TYW1B: variants seen among roughly 807,000 people sequenced by gnomAD.
TYW1B encodes the protein S-adenosyl-L-methionine-dependent tRNA 4-demethylwyosine synthase TYW1B.
TYW1B carries 73 observed loss-of-function variants against 86.9 expected under a neutral mutation model. The ratio of observed to expected loss-of-function variants is 0.84; its 90% CI spans 0.70 to 1.02. The LOEUF (loss-of-function observed/expected upper bound fraction) is 1.02, where lower values mean the gene tolerates loss of function less well. Among genes scored for constraint, TYW1B ranks in the 50% least tolerant of loss-of-function variants. TYW1B has a pLI of 0.00. For missense variants in TYW1B, 637 were observed against 827.4 expected (o/e 0.77, Z 2.82); for synonymous variants, 248 against 292.8 (o/e 0.85, Z 1.56).
intron 13 of TYW1B, among the ~76,000 whole-genome samples, chr7:72,597,688 T>C (rs1429611868): frequency 6.6e-6 from 1 of 152,230 alleles, no homozygotes; most frequent in Non-Finnish European, 1.5e-5. Flanking sequence ...TGAAATTTTT[T>C]ATCATAGAGA....
intron 9 of TYW1B, among the ~76,000 whole-genome samples, chr7:72,714,694 G>C (rs1315678489): frequency 6.6e-6 from 1 of 152,170 alleles, no homozygotes; most frequent in Non-Finnish European, 1.5e-5. Flanking sequence ...AAGGTGGGCA[G>C]ATCACTTGAG....
rs532511221 is a variant in TYW1B at position 72,817,311 on chromosome 7, GGGA to G, written c.136-1833_136-1831del. Among the ~76,000 whole-genome samples the G allele has an allele frequency of 2.4e-3, 364 of 152,220 alleles. 3 individuals carry two copies. Among genetic ancestry groups the G allele is most frequent in the African/African-American group, 8.3e-3 (346 of 41,532 alleles). On this transcript the variant is annotated intron_variant, in intron 2 of 13. Transcript: ENST00000620995. ...CCCAGCTACCTACCTGGGAGGCTGA[GGGA>G]GGAGAACTGCTCGAACCCAGGAGGC...
chr7:72,575,475 C>T lies in TYW1B; in HGVS notation c.*23G>A. 1.3e-6 allele frequency: 2 copies of T among 1,591,998 alleles called. No homozygotes were observed. Among genetic ancestry groups the T allele is most frequent in the Middle Eastern group, 1.7e-4 (1 of 5,920 alleles). ...TGAGGCCATCCAAGTTTTTGTCCTTCAGTACCTTGAAATCAGATAATCTCA... is the reference window on the plus strand; with the variant it reads ...TGAGGCCATCCAAGTTTTTGTCCTTTAGTACCTTGAAATCAGATAATCTCA... On this transcript the variant is annotated 3_prime_UTR_variant, in exon 14 of 14. Transcript: ENST00000620995.
At chr7:72,596,361 T>C (rs1369515409) in intron 13 of TYW1B, among the ~76,000 whole-genome samples, 4 of 151,966 alleles carry the variant, frequency 2.6e-5, no homozygotes, top group Non-Finnish European at 5.9e-5. Flanking sequence ...AACACAAAAC[T>C]GGAGGACTCA....
chr7:72,783,995 T>G (rs1788089382), intron 6 of TYW1B, among the ~76,000 whole-genome samples: 1 of 152,216 alleles, frequency 6.6e-6, no homozygotes. Flanking sequence ...TTCTGCAATT[T>G]AAATAGCTGG....
chr7:72,803,210 A>G (rs1788434901), intron 5 of TYW1B, among the ~76,000 whole-genome samples: 1 of 152,104 alleles, frequency 6.6e-6, no homozygotes, highest in South Asian at 2.1e-4. Context: ...TCATCTCTAC[A>G]AAAACAACAA....
intron 7 of TYW1B, among the ~76,000 whole-genome samples, chr7:72,772,982 G>A (rs1338168377): frequency 2.0e-5 from 3 of 152,160 alleles, no homozygotes; most frequent in Non-Finnish European, 2.9e-5. Flanking sequence ...ATATTCGAAG[G>A]TGGAACTGAG....
At chr7:72,715,954 G>A (rs1786773784) in intron 9 of TYW1B, among the ~76,000 whole-genome samples, 1 of 152,068 alleles carries the variant, frequency 6.6e-6, no homozygotes. Context: ...TTTTTGAGAT[G>A]GAGTTGCGCT....
chr7:72,811,161 C>T (rs1554478136), intron 3 of TYW1B, among the ~76,000 whole-genome samples: 1 of 151,006 alleles, frequency 6.6e-6, no homozygotes, highest in East Asian at 2.0e-4. Context: ...GTCCCAGCTA[C>T]TCAGGAGGCT....
intron 9 of TYW1B, among the ~76,000 whole-genome samples, chr7:72,727,368 G>T (rs1325508485): frequency 1.3e-5 from 2 of 152,160 alleles, no homozygotes; most frequent in Non-Finnish European, 2.9e-5. Flanking sequence ...GGAGTCACCA[G>T]TGGTAGGTAG....
chr7:72,727,829 A>AG (rs1787029444), intron 9 of TYW1B, among the ~76,000 whole-genome samples: 35 of 145,284 alleles, frequency 2.4e-4, no homozygotes, highest in South Asian at 8.9e-4. Flanking sequence ...AAAAAAAAAA[A>AG]AAAAGAAGAA....
intron 11 of TYW1B, among the ~76,000 whole-genome samples, chr7:72,654,547 C>A (rs1813151767): frequency 6.6e-6 from 1 of 152,140 alleles, no homozygotes; most frequent in African/African-American, 2.4e-5. Flanking sequence ...TTCAGCCAAA[C>A]CTAAAGAAAT....
At chr7:72,828,035 T>C (rs781996393) in intron 1 of TYW1B, 37 bp downstream of exon 1, 2 of 1,613,232 alleles carry the variant, frequency 1.2e-6, no homozygotes, top group South Asian at 2.2e-5. Flanking sequence ...TTACCTCCCC[T>C]GCCGCCCCAG....
At chr7:72,782,538 CT>C (rs1554471821) in intron 6 of TYW1B, among the ~76,000 whole-genome samples, 1 of 152,060 alleles carries the variant, frequency 6.6e-6, no homozygotes, top group East Asian at 1.9e-4. Context: ...TTGTTTGATC[CT>C]TTTTTACCAT....
At chr7:72,581,788 C>T in intron 13 of TYW1B, among the ~76,000 whole-genome samples, 1 of 151,640 alleles carries the variant, frequency 6.6e-6, no homozygotes, top group East Asian at 1.9e-4. Flanking sequence ...GGGCAGTGGC[C>T]AGGCGCAGAC....
At chr7:72,691,987 C>T (rs1814175702) in intron 11 of TYW1B, among the ~76,000 whole-genome samples, 1 of 152,004 alleles carries the variant, frequency 6.6e-6, no homozygotes, top group South Asian at 2.1e-4. Context: ...AGGCGGATCA[C>T]TTGAGGTCAG....
At chr7:72,580,395 C>T (rs1254209546) in intron 13 of TYW1B, among the ~76,000 whole-genome samples, 4 of 152,190 alleles carry the variant, frequency 2.6e-5, no homozygotes, top group East Asian at 1.9e-4. Context: ...GACACGAGGT[C>T]ACCCTGCTAA....
chr7:72,708,889 T>C (rs1207198797), intron 10 of TYW1B, among the ~76,000 whole-genome samples: 6 of 152,216 alleles, frequency 3.9e-5, no homozygotes, highest in African/African-American at 1.2e-4. Context: ...TGTGGTTTTA[T>C]GACACGTCAT....
intron 11 of TYW1B, among the ~76,000 whole-genome samples, chr7:72,633,814 C>A (rs1418435400): frequency 6.6e-6 from 1 of 152,046 alleles, no homozygotes; most frequent in Non-Finnish European, 1.5e-5. Context: ...ATTCCCTAAA[C>A]ATTTGGATTA....
Sources: gnomAD v4.1 joint callset for allele counts (sites outside exome capture counted in the v4.1 genomes callset) on GRCh38, gnomAD v4.1.1 for gene constraint, MANE v1.5 for transcripts, NCBI Gene and HGNC (gene_info 2026-07-23, HGNC 2026-07-21) for gene names.